ITGB5: variants seen among roughly 807,000 people sequenced by gnomAD.
The protein encoded by ITGB5 is integrin beta-5.
In ITGB5, 38 loss-of-function variants were observed where a neutral mutation model predicts 84.8. The ratio of observed to expected loss-of-function variants is 0.45; its 90% confidence interval spans 0.35 to 0.59. ITGB5 has a LOEUF of 0.59. ITGB5 is among the 20% of genes least tolerant of loss of function. ITGB5 has a pLI of 0.01. For synonymous variants in ITGB5, 393 were observed against 414.4 expected (o/e 0.95, Z 0.63); for missense variants, 905 against 1,034.5 (o/e 0.87, Z 1.72).
chr3:124,888,199 G>C (rs1463717211), upstream of ITGB5, among the ~76,000 whole-genome samples: 1 of 151,910 alleles, frequency 6.6e-6, no homozygotes, highest in Non-Finnish European at 1.5e-5. Flanking sequence ...TTACAGGTGC[G>C]AGCCACCGTG....
At chr3:124,889,258 A>T (rs1934941470), upstream of ITGB5, among the ~76,000 whole-genome samples, 1 of 152,238 alleles carries the variant, frequency 6.6e-6, no homozygotes, top group South Asian at 2.1e-4. Flanking sequence ...ATGCAGATTC[A>T]CTGAGCCAGA....
chr3:124,899,882 A>AC (rs1363490954), intron 1 of ITGB5, among the ~76,000 whole-genome samples: 1 of 150,336 alleles, frequency 6.7e-6, no homozygotes. Context: ...AAAAAAAAAA[A>AC]AGCAGCAGCA....
At chr3:124,807,772 C>T (rs751391526) in intron 9 of ITGB5, among the ~76,000 whole-genome samples, 13 of 151,056 alleles carry the variant, frequency 8.6e-5, no homozygotes, top group Non-Finnish European at 1.6e-4. Flanking sequence ...GGTGAAACCC[C>T]GTCTCTACTA....
chr3:124,873,591 C>A (rs1934162197), intron 1 of ITGB5, 60 bp from the exon 2 acceptor site: 3 of 1,253,596 alleles, frequency 2.4e-6, no homozygotes, highest in Non-Finnish European at 3.5e-6. Flanking sequence ...ATGGATCAAG[C>A]CTTTGAATAG....
chr3:124,789,445 C>A (rs1328551821), intron 10 of ITGB5, among the ~76,000 whole-genome samples: 1 of 131,030 alleles, frequency 7.6e-6, no homozygotes, highest in Non-Finnish European at 1.6e-5. Flanking sequence ...GTTATCAGAA[C>A]CGCCTCTGAC....
At chr3:124,880,027 T>C (rs1312333035) in intron 1 of ITGB5, among the ~76,000 whole-genome samples, 1 of 152,242 alleles carries the variant, frequency 6.6e-6, no homozygotes, top group African/African-American at 2.4e-5. Context: ...TGATTACCTC[T>C]ATGTTCTTCT....
intron 11 of ITGB5, chr3:124,770,134 AG>A (rs1197300104): frequency 7.2e-5 from 11 of 152,324 alleles, no homozygotes; most frequent in Admixed American, 2.0e-4. Flanking sequence ...CTGATGTTCA[AG>A]GGGAGAGGTC....
intron 9 of ITGB5, among the ~76,000 whole-genome samples, chr3:124,802,070 T>C (rs1285219828): frequency 6.6e-6 from 1 of 152,228 alleles, no homozygotes; most frequent in South Asian, 2.1e-4. Context: ...CCCTTCTTCC[T>C]TGGGCTCCTG....
At chr3:124,871,683 C>T (rs540608317) in intron 2 of ITGB5, among the ~76,000 whole-genome samples, 4 of 151,754 alleles carry the variant, frequency 2.6e-5, no homozygotes, top group South Asian at 2.1e-4. Context: ...TTCAATTAGC[C>T]GAGCACAGTG....
intron 4 of ITGB5, among the ~76,000 whole-genome samples, chr3:124,843,988 G>C (rs542883054): frequency 1.6e-4 from 24 of 152,076 alleles, no homozygotes; most frequent in Non-Finnish European, 3.4e-4. Flanking sequence ...GAATATCATG[G>C]ATCAAGCTGA....
chr3:124,857,447 G>A (rs906740731), intron 3 of ITGB5: 1 of 152,262 alleles, frequency 6.6e-6, no homozygotes, highest in Non-Finnish European at 1.5e-5. Flanking sequence ...AACTTGCCCA[G>A]GGCCTCCAAG....
chr3:124,778,618 C>T (rs2063958454), intron 10 of ITGB5, among the ~76,000 whole-genome samples: 1 of 152,164 alleles, frequency 6.6e-6, no homozygotes, highest in Admixed American at 6.5e-5. Flanking sequence ...GCGTAGGGGA[C>T]TCCCACAGGT....
At chr3:124,764,163 C>T (rs1391016913) in intron 14 of ITGB5, among the ~76,000 whole-genome samples, 1 of 152,188 alleles carries the variant, frequency 6.6e-6, no homozygotes, top group East Asian at 1.9e-4. Flanking sequence ...AGCGCCTCTG[C>T]CCCCATGACC....
At chr3:124,895,235 C>G (rs752600001) in intron 1 of ITGB5, among the ~76,000 whole-genome samples, 5 of 152,146 alleles carry the variant, frequency 3.3e-5, no homozygotes, top group Non-Finnish European at 7.3e-5. Flanking sequence ...CTTGGAATTC[C>G]TTTTCTTTTG....
At chr3:124,885,636 C>T (rs994169454) in intron 1 of ITGB5, among the ~76,000 whole-genome samples, 1 of 152,186 alleles carries the variant, frequency 6.6e-6, no homozygotes, top group African/African-American at 2.4e-5. Flanking sequence ...GTGATGCAGG[C>T]TACATCTTCC....
At chr3:124,782,340 T>C (rs1264115763) in intron 10 of ITGB5, among the ~76,000 whole-genome samples, 4 of 152,136 alleles carry the variant, frequency 2.6e-5, no homozygotes, top group Non-Finnish European at 5.9e-5. Flanking sequence ...CTTACCACTA[T>C]GGGAAGAGAG....
upstream of ITGB5, among the ~76,000 whole-genome samples, chr3:124,888,512 A>G (rs1308952195): frequency 2.0e-5 from 3 of 152,218 alleles, no homozygotes; most frequent in Admixed American, 1.3e-4. Context: ...GGCGACATTC[A>G]GGTAGGGGAA....
Position 124,766,285 on chromosome 3 carries a change from A to G in ITGB5, c.2078T>C (p.Met693Thr). 2 of 1,614,158 alleles carry G rather than the reference A, an allele frequency of 1.2e-6. No homozygotes were observed. The highest frequency in any genetic ancestry group is 8.5e-7 in the Non-Finnish European group (1 of 1,180,014). Residue 693 changes from methionine to threonine, a missense_variant, in exon 13 of 15, where the codon ATG becomes ACG. By Grantham distance (81) the Met-to-Thr change is moderately conservative. Coordinates refer to ENST00000296181, the MANE Select transcript of ITGB5 (RefSeq NM_002213.5). ...ACTGGGGAGCTCCACATAGGTGAAC[A>G]TCATGACGCAGTCCTTGGCGGTTTT... ...FYKTAKDCVMMFTYVELPSGK... is the reference protein window; with the variant it reads ...FYKTAKDCVMTFTYVELPSGK...
intron 5 of ITGB5, among the ~76,000 whole-genome samples, chr3:124,837,324 G>A (rs1263446862): frequency 6.6e-6 from 1 of 152,224 alleles, no homozygotes; most frequent in Non-Finnish European, 1.5e-5. Context: ...CTTCTAGAAG[G>A]TCCTGGCAGA....
Sources: gnomAD v4.1 joint callset for allele counts (sites outside exome capture counted in the v4.1 genomes callset) on GRCh38, gnomAD v4.1.1 for gene constraint, MANE v1.5 for transcripts, NCBI Gene and HGNC (gene_info 2026-07-23, HGNC 2026-07-21) for gene names.